Variants in TMEM108 observed in about 807,000 individuals in gnomAD.
TMEM108 encodes the protein cancer/testis antigen 124.
In TMEM108, 12 loss-of-function variants were observed where a neutral mutation model predicts 35.1. The ratio of observed to expected loss-of-function variants is 0.34; its 90% confidence interval spans 0.22 to 0.55. TMEM108 has a LOEUF of 0.55. Among genes scored for constraint, TMEM108 ranks in the 20% least tolerant of loss-of-function variants. TMEM108 has a pLI of 0.89. For missense variants in TMEM108, 680 were observed against 753.3 expected, an observed-to-expected ratio of 0.90 and a Z score of 1.14; for synonymous variants, 287 against 308.6, an observed-to-expected ratio of 0.93 and a Z score of 0.73.
chr3:133,078,161 A>G (rs1379091367), intron 2 of TMEM108, among the ~76,000 whole-genome samples: 9 of 24,864 alleles, frequency 3.6e-4, no homozygotes, highest in African/African-American at 2.1e-3. Flanking sequence ...GTGTGTGTGC[A>G]CGCGCGCGCG....
At position 133,157,220 on chromosome 3, in the gene TMEM108, C is replaced by T. The variant is rs558862965; in HGVS notation, c.-46-72046C>T. On this transcript the variant is annotated intron_variant, in intron 2 of 5. Coordinates refer to ENST00000321871, the MANE Select transcript of TMEM108 (RefSeq NM_023943.4). The stretch of plus-strand genomic sequence containing the variant: ...TCCAAAAAAGATGTTGGCCTCAACC[C>T]AGTCATGTCTTTTTCTCTTCTTTTC... 5.3e-5 allele frequency among the ~76,000 whole-genome samples: 8 copies of T among 152,294 alleles called. No individual in the cohort carries two copies. The South Asian group carries it at 1.2e-3, about 24-fold the overall frequency.
In TMEM108 at chr3:133,320,062, GTT is replaced by G. The variant is rs549847867; in HGVS notation, c.41-59689_41-59688del. Among the ~76,000 whole-genome samples, 9 of 152,278 alleles carry G rather than the reference GTT, an allele frequency of 5.9e-5. No individual in the cohort carries two copies. The South Asian group carries it at 1.9e-3, about 32-fold the overall frequency. ...GTGGGAAGATCACTTGAGCCCAGGA[GTT>G]CAAGACCAGCCTGGGCAACATAGAC... On this transcript the variant is annotated intron_variant, in intron 3 of 5. Coordinates refer to ENST00000321871, the MANE Select transcript of TMEM108 (RefSeq NM_023943.4).
chr3:133,227,587 T>C (rs934980304), intron 2 of TMEM108, among the ~76,000 whole-genome samples: 1 of 151,684 alleles, frequency 6.6e-6, no homozygotes, highest in Non-Finnish European at 1.5e-5. Flanking sequence ...TTATATAACA[T>C]TGATGAGCCT....
chr3:133,341,469 G>T (rs1028747533), intron 3 of TMEM108, among the ~76,000 whole-genome samples: 2 of 151,820 alleles, frequency 1.3e-5, no homozygotes, highest in African/African-American at 2.4e-5. Context: ...ACTACCCAAT[G>T]CAATCTACAG....
chr3:133,138,870 C>T (rs1944601676), intron 2 of TMEM108, among the ~76,000 whole-genome samples: 1 of 151,854 alleles, frequency 6.6e-6, no homozygotes, highest in Non-Finnish European at 1.5e-5. Context: ...CCCATCAACC[C>T]GTGTTCATCT....
At chr3:133,391,541 C>A (rs2073234926) in intron 5 of TMEM108, among the ~76,000 whole-genome samples, 1 of 152,218 alleles carries the variant, frequency 6.6e-6, no homozygotes, top group Admixed American at 6.5e-5. Context: ...CAAGGTAGAC[C>A]TAGACCCAGG....
intron 2 of TMEM108, among the ~76,000 whole-genome samples, chr3:133,193,473 G>A (rs992689129): frequency 6.6e-6 from 1 of 152,062 alleles, no homozygotes; most frequent in African/African-American, 2.4e-5. Flanking sequence ...TTGATAGAAG[G>A]ACAGTGAGCT....
intron 3 of TMEM108, among the ~76,000 whole-genome samples, chr3:133,242,230 G>A (rs775764515): frequency 2.0e-5 from 3 of 152,160 alleles, no homozygotes; most frequent in Non-Finnish European, 4.4e-5. Context: ...GTTAAGATGT[G>A]GATATGTCCT....
At chr3:133,165,661 A>G (rs1288503250) in intron 2 of TMEM108, among the ~76,000 whole-genome samples, 1 of 152,232 alleles carries the variant, frequency 6.6e-6, no homozygotes, top group Non-Finnish European at 1.5e-5. Flanking sequence ...AGCTTGCAAG[A>G]TGACCATCCC....
At chr3:133,110,954 A>C (rs1339758524) in intron 2 of TMEM108, among the ~76,000 whole-genome samples, 1 of 152,208 alleles carries the variant, frequency 6.6e-6, no homozygotes, top group African/African-American at 2.4e-5. Context: ...GGGGCTTCTC[A>C]ACATGGAAAG....
chr3:133,393,513 T>C (rs1188730739), intron 5 of TMEM108, among the ~76,000 whole-genome samples: 1 of 152,206 alleles, frequency 6.6e-6, no homozygotes. Context: ...TTCACCACAA[T>C]TTACCCATCA....
intron 2 of TMEM108, among the ~76,000 whole-genome samples, chr3:133,187,517 A>G (rs1375797147): frequency 5.9e-5 from 9 of 152,216 alleles, no homozygotes; most frequent in Admixed American, 5.2e-4. Context: ...TGGGAGGCCA[A>G]GGTGGGTGGA....
intron 2 of TMEM108, among the ~76,000 whole-genome samples, chr3:133,168,765 T>C (rs758641367): frequency 6.6e-6 from 1 of 152,186 alleles, no homozygotes; most frequent in Non-Finnish European, 1.5e-5. Context: ...CTCTTTGCAA[T>C]AAATATTGCT....
intron 2 of TMEM108, among the ~76,000 whole-genome samples, chr3:133,190,841 T>C (rs1345098133): frequency 6.6e-6 from 1 of 152,194 alleles, no homozygotes; most frequent in Non-Finnish European, 1.5e-5. Context: ...CTCGCTCTTA[T>C]GAACAAAGAG....
At chr3:133,242,402 A>G (rs1450836568) in intron 3 of TMEM108, among the ~76,000 whole-genome samples, 2 of 152,196 alleles carry the variant, frequency 1.3e-5, no homozygotes, top group African/African-American at 4.8e-5. Flanking sequence ...TGGAACCATG[A>G]GTTTATACAG....
At chr3:133,230,029 C>T (rs760027488) in intron 3 of TMEM108, among the ~76,000 whole-genome samples, 1 of 152,156 alleles carries the variant, frequency 6.6e-6, no homozygotes, top group Non-Finnish European at 1.5e-5. Context: ...AAAGCCAAAA[C>T]CAATTGGTGG....
At chr3:133,191,535 A>G (rs182817410) in intron 2 of TMEM108, among the ~76,000 whole-genome samples, 10 of 152,296 alleles carry the variant, frequency 6.6e-5, no homozygotes, top group South Asian at 2.1e-4. Context: ...GATGGGCTTC[A>G]GCTCTGTTTA....
rs895512622 is a variant in TMEM108 at position 133,230,114 on chromosome 3, G to T, written c.40+763G>T. On this transcript the variant is annotated intron_variant, in intron 3 of 5. Transcript: ENST00000321871. Reference sequence around the variant, plus strand: ...AGGTCAAACCAAAGCCAGTGAGTTGGAAAATTGGGAGTTATTGTTTGTCTT... The same window carrying T: ...AGGTCAAACCAAAGCCAGTGAGTTGTAAAATTGGGAGTTATTGTTTGTCTT... 1.9e-4 allele frequency among the ~76,000 whole-genome samples: 29 copies of T among 152,194 alleles called. 1 individual carries two copies. The highest frequency in any genetic ancestry group is 1.8e-3 in the Admixed American group (27 of 15,272).
chr3:133,378,982 T>G (rs1576528863), intron 3 of TMEM108, among the ~76,000 whole-genome samples: 2 of 152,134 alleles, frequency 1.3e-5, no homozygotes, highest in African/African-American at 4.8e-5. Flanking sequence ...CTGTGCTAAG[T>G]GCTTTTATGG....
Sources: allele counts gnomAD v4.1 joint callset (sites outside exome capture counted in the v4.1 genomes callset), GRCh38; gene constraint gnomAD v4.1.1; transcripts MANE v1.5; gene names NCBI Gene and HGNC (gene_info 2026-07-23, HGNC 2026-07-21).